The following KIAA1328 variants were observed in gnomAD, a reference collection of about 807,000 sequenced individuals.
KIAA1328 encodes KIAA1328, also known as protein hinderin.
A neutral mutation model predicts 68.1 loss-of-function variants in KIAA1328; 52 were observed. The observed-to-expected ratio is 0.76, with a 90% confidence interval of 0.61 to 0.96. The LOEUF is 0.96. KIAA1328 is among the 40% of genes least tolerant of loss of function. The pLI is 0.00. For synonymous variants in KIAA1328, 232 were observed against 239.4 expected (o/e 0.97, Z 0.28); for missense variants, 641 against 677.6 (o/e 0.95, Z 0.60).
chr18:37,069,649 AT>A (rs1228513313), intron 7 of KIAA1328, among the ~76,000 whole-genome samples: 1 of 152,234 alleles, frequency 6.6e-6, no homozygotes, highest in African/African-American at 2.4e-5. Context: ...GGACCTGGAA[AT>A]TTATTTTTTG....
Position 37,222,131 on chromosome 18 carries a change from C to A in KIAA1328, c.1638C>A (p.Leu546=), listed in dbSNP as rs2060576134. The A allele has an allele frequency of 6.2e-7, 1 of 1,612,102 alleles. No individual in the cohort carries two copies. Among genetic ancestry groups the A allele is most frequent in the African/African-American group, 1.3e-5 (1 of 74,892 alleles). Residue 546 remains leucine (L), a synonymous_variant, in exon 10 of 10, where the codon CTC becomes CTA. Transcript: ENST00000280020. ...AGAWNHGTFR[L]SPLKSTRKKM... ...CCTGGAATCATGGTACTTTCCGACT[C>A]AGTCCTCTAAAATCAACCCGGAAGA...
chr18:37,187,140 G>A (rs1356272203), intron 9 of KIAA1328, among the ~76,000 whole-genome samples: 1 of 151,900 alleles, frequency 6.6e-6, no homozygotes. Context: ...CTCCAGCCTG[G>A]GTGACAGAGT....
At chr18:36,969,050 A>G (rs1169932763) in intron 6 of KIAA1328, among the ~76,000 whole-genome samples, 1 of 152,196 alleles carries the variant, frequency 6.6e-6, no homozygotes, top group South Asian at 2.1e-4. Flanking sequence ...TGAGTAAATA[A>G]TGAAATTAAG....
At chr18:36,905,602 A>G (rs200456180) in intron 5 of KIAA1328, among the ~76,000 whole-genome samples, 1 of 152,120 alleles carries the variant, frequency 6.6e-6, no homozygotes, top group Non-Finnish European at 1.5e-5. Flanking sequence ...TTCAATTTTT[A>G]AAAAAATGTT....
At chr18:37,057,792 A>G (rs1234157958) in intron 6 of KIAA1328, among the ~76,000 whole-genome samples, 2 of 152,140 alleles carry the variant, frequency 1.3e-5, no homozygotes, top group African/African-American at 2.4e-5. Context: ...CACAGATACA[A>G]CCATTGTCCA....
At position 37,017,744 on chromosome 18, in the gene KIAA1328, T is replaced by C. The variant is rs567576071; in HGVS notation, c.577-49146T>C. 1.6e-3 allele frequency among the ~76,000 whole-genome samples: 242 copies of C among 152,310 alleles called. 1 individual carries two copies. Among genetic ancestry groups the C allele is most frequent in the Non-Finnish European group, 2.5e-3 (168 of 68,004 alleles). On this transcript the variant is annotated intron_variant, in intron 6 of 9. Coordinates refer to ENST00000280020, the MANE Select transcript of KIAA1328 (RefSeq NM_020776.3). Reference sequence around the variant, plus strand: ...TTCTGTCCTTTTTTAGGATTATTAGTTTAAACTCTGTTTTGTCAGGTATTA... The same window carrying C: ...TTCTGTCCTTTTTTAGGATTATTAGCTTAAACTCTGTTTTGTCAGGTATTA...
intron 7 of KIAA1328, among the ~76,000 whole-genome samples, chr18:37,156,128 C>T (rs1048592079): frequency 6.6e-6 from 1 of 151,962 alleles, no homozygotes; most frequent in Non-Finnish European, 1.5e-5. Flanking sequence ...AGGGCTGGGC[C>T]GGGCTCGGTG....
intron 9 of KIAA1328, among the ~76,000 whole-genome samples, chr18:37,218,110 C>T (rs1209256472): frequency 6.6e-6 from 1 of 152,140 alleles, no homozygotes; most frequent in East Asian, 1.9e-4. Flanking sequence ...ATGCAAGAAT[C>T]AAAAGAAGCA....
At chr18:37,075,944 G>A (rs1322188211) in intron 7 of KIAA1328, among the ~76,000 whole-genome samples, 3 of 152,026 alleles carry the variant, frequency 2.0e-5, no homozygotes, top group African/African-American at 4.8e-5. Flanking sequence ...AGTTAACAAG[G>A]ATACCCAGGA....
chr18:36,928,871 T>C (rs933505997), intron 5 of KIAA1328, among the ~76,000 whole-genome samples: 3 of 152,208 alleles, frequency 2.0e-5, no homozygotes, highest in Non-Finnish European at 2.9e-5. Context: ...TTGATATGTT[T>C]CCACAGATCT....
chr18:37,081,041 C>T (rs1002459656), intron 7 of KIAA1328, among the ~76,000 whole-genome samples: 2 of 151,788 alleles, frequency 1.3e-5, no homozygotes, highest in Admixed American at 1.3e-4. Flanking sequence ...AGTGCAGTGG[C>T]GTGATCTCGA....
intron 7 of KIAA1328, among the ~76,000 whole-genome samples, chr18:37,089,839 C>A (rs968090965): frequency 2.0e-5 from 3 of 152,160 alleles, no homozygotes; most frequent in Admixed American, 2.0e-4. Context: ...TAAGGGTCAT[C>A]TTTGTGTAAG....
intron 7 of KIAA1328, among the ~76,000 whole-genome samples, chr18:37,095,662 T>C (rs189053299): frequency 2.0e-5 from 3 of 152,012 alleles, no homozygotes; most frequent in African/African-American, 2.4e-5. Flanking sequence ...ACAACAGAAC[T>C]AAATGAAATA....
At chr18:37,019,157 C>T (rs886970974) in intron 6 of KIAA1328, among the ~76,000 whole-genome samples, 7 of 151,856 alleles carry the variant, frequency 4.6e-5, no homozygotes, top group African/African-American at 1.7e-4. Context: ...TTTCCTGCCC[C>T]CTCCTCCCCA....
chr18:37,091,065 T>C (rs1387036954), intron 7 of KIAA1328, among the ~76,000 whole-genome samples: 2 of 152,122 alleles, frequency 1.3e-5, no homozygotes. Context: ...TAGGCAACTC[T>C]CAGAAAGGTA....
chr18:37,183,099 T>G (rs565412279), intron 9 of KIAA1328, among the ~76,000 whole-genome samples: 12 of 152,318 alleles, frequency 7.9e-5, no homozygotes, highest in Admixed American at 7.8e-4. Flanking sequence ...CTCCATTTGT[T>G]TTTCTTCTAA....
chr18:36,877,217 G>C (rs1240739001), intron 4 of KIAA1328, among the ~76,000 whole-genome samples: 3 of 152,072 alleles, frequency 2.0e-5, no homozygotes, highest in Admixed American at 2.0e-4. Context: ...CTGAGTTCAA[G>C]TCCTGAATAT....
At chr18:36,900,514 GT>G (rs1410388579) in intron 5 of KIAA1328, among the ~76,000 whole-genome samples, 1 of 151,746 alleles carries the variant, frequency 6.6e-6, no homozygotes, top group Non-Finnish European at 1.5e-5. Flanking sequence ...AGCACTGCTG[GT>G]GTTTAAGAGC....
intron 6 of KIAA1328, among the ~76,000 whole-genome samples, chr18:37,028,658 G>T (rs1227269471): frequency 2.6e-5 from 4 of 152,080 alleles, no homozygotes; most frequent in Non-Finnish European, 2.9e-5. Context: ...CTGGCTGTGG[G>T]TTTATCATAG....
Sources: allele counts gnomAD v4.1 joint callset (sites outside exome capture counted in the v4.1 genomes callset), GRCh38; gene constraint gnomAD v4.1.1; transcripts MANE v1.5; gene names NCBI Gene and HGNC (gene_info 2026-07-23, HGNC 2026-07-21).